PAK2: variants seen among roughly 807,000 people sequenced by gnomAD.
PAK2 encodes serine/threonine-protein kinase PAK 2.
PAK2 carries 21 observed loss-of-function variants against 65.9 expected under a neutral mutation model. That is an observed-to-expected ratio of 0.32 (90% CI 0.23 to 0.46). The LOEUF (loss-of-function observed/expected upper bound fraction) is 0.46. Ranked by LOEUF, PAK2 falls within the 20% of genes least tolerant of loss-of-function variation. PAK2 has a pLI of 1.00. For missense variants in PAK2, 324 were observed against 642.6 expected (o/e 0.50, Z 5.36); for synonymous variants, 204 against 219.7 (o/e 0.93, Z 0.63).
chr3:196,821,029 G>A (rs778962348), intron 13 of PAK2, among the ~76,000 whole-genome samples: 3 of 152,130 alleles, frequency 2.0e-5, no homozygotes, highest in East Asian at 1.9e-4. Flanking sequence ...TCATAGAGAC[G>A]GGGTCTCTCC....
intron 1 of PAK2, among the ~76,000 whole-genome samples, chr3:196,756,668 C>T (rs1400033305): frequency 8.5e-5 from 13 of 152,060 alleles, no homozygotes; most frequent in African/African-American, 2.2e-4. Flanking sequence ...AAACCTTGTC[C>T]GTACTAAAAA....
intron 1 of PAK2, among the ~76,000 whole-genome samples, chr3:196,744,095 A>G: frequency 6.6e-6 from 1 of 152,126 alleles, no homozygotes; most frequent in East Asian, 1.9e-4. Context: ...TAAAAGTTGA[A>G]AAGTGGGCAG....
intron 13 of PAK2, among the ~76,000 whole-genome samples, chr3:196,824,778 C>A (rs7429125): frequency 0.26 from 39,233 of 151,290 alleles, 5,211 homozygotes; most frequent in South Asian, 0.35. Context: ...CCCAGGAGTT[C>A]AAGGCCAGCC....
chr3:196,811,529 G>C (rs1715824840), intron 8 of PAK2, among the ~76,000 whole-genome samples: 1 of 149,176 alleles, frequency 6.7e-6, no homozygotes, highest in Non-Finnish European at 1.5e-5. Flanking sequence ...TTACAGGTGT[G>C]AGCCACTGCA....
chr3:196,819,120 A>G (rs1711570403), intron 12 of PAK2, among the ~76,000 whole-genome samples: 1 of 152,192 alleles, frequency 6.6e-6, no homozygotes, highest in Non-Finnish European at 1.5e-5. Context: ...TACATGGATT[A>G]TTATATTTTT....
intron 2 of PAK2, among the ~76,000 whole-genome samples, chr3:196,783,739 A>G (rs139713141): frequency 6.6e-6 from 1 of 152,066 alleles, no homozygotes; most frequent in Non-Finnish European, 1.5e-5. Flanking sequence ...CTGCATTTTT[A>G]TTGTAATTTT....
Position 196,832,611 on chromosome 3 carries a change from T to G in PAK2, c.*4206T>G, listed in dbSNP as rs1462885783. 2 of 152,134 alleles carry G rather than the reference T, an allele frequency of 1.3e-5. No homozygotes were observed. The highest frequency in any genetic ancestry group is 1.9e-4 in the East Asian group (1 of 5,196). The allele number at this position is 152,134 out of a possible 1,614,324, so 9.4% of individuals were successfully genotyped here. The stretch of plus-strand genomic sequence containing the variant: ...GTCTTAATAGGTTTTCAAAGAACAT[T>G]TAGTATTTTTAGTGATAAATGTTTT... On this transcript the variant is annotated 3_prime_UTR_variant, in exon 15 of 15. Transcript: ENST00000327134.
intron 2 of PAK2, among the ~76,000 whole-genome samples, chr3:196,788,233 GCAAA>G (rs1714959486): frequency 6.6e-6 from 1 of 152,080 alleles, no homozygotes; most frequent in Admixed American, 6.5e-5. Context: ...AGTCTAAAAG[GCAAA>G]CAATTGTATT....
intron 2 of PAK2, among the ~76,000 whole-genome samples, chr3:196,785,273 C>T (rs76098034): frequency 0.072 from 10,948 of 152,136 alleles, 622 homozygotes; most frequent in African/African-American, 0.16. Context: ...TATGTGTATA[C>T]TGAGTCAGGA....
At chr3:196,742,675 G>A (rs9680946) in intron 1 of PAK2, among the ~76,000 whole-genome samples, 67,343 of 152,014 alleles carry the variant, frequency 0.44, 15,727 homozygotes, top group Non-Finnish European at 0.53. Context: ...AGCACTTTGG[G>A]AGGCCGAGGC....
At chr3:196,815,158 C>T (rs183265303) in intron 11 of PAK2, among the ~76,000 whole-genome samples, 132 of 151,240 alleles carry the variant, frequency 8.7e-4, no homozygotes, top group Non-Finnish European at 1.4e-3. Context: ...CCAGCCTGGG[C>T]AACAGAGCGA....
intron 13 of PAK2, among the ~76,000 whole-genome samples, chr3:196,826,274 T>C (rs1361568096): frequency 2.0e-5 from 3 of 150,824 alleles, no homozygotes; most frequent in Non-Finnish European, 3.0e-5. Context: ...CGGGTTCACG[T>C]CATTGTCCTG....
chr3:196,790,532 G>A (rs1715032744), intron 2 of PAK2, among the ~76,000 whole-genome samples: 1 of 152,120 alleles, frequency 6.6e-6, no homozygotes, highest in Admixed American at 6.6e-5. Context: ...AAGCAGAAGT[G>A]GGAAGTTGAC....
At chr3:196,804,269 A>C (rs1715509484) in intron 4 of PAK2, among the ~76,000 whole-genome samples, 1 of 152,164 alleles carries the variant, frequency 6.6e-6, no homozygotes, top group Non-Finnish European at 1.5e-5. Context: ...TTTTCAAGTG[A>C]TCTTGACCTT....
chr3:196,800,416 T>G (rs80141424), intron 2 of PAK2, among the ~76,000 whole-genome samples: 4,674 of 152,168 alleles, frequency 0.031, 96 homozygotes, highest in Non-Finnish European at 0.046. Context: ...GAAATTCTCC[T>G]TAAAATTCAT....
intron 1 of PAK2, among the ~76,000 whole-genome samples, chr3:196,777,756 A>G (rs115790368): frequency 5.9e-5 from 9 of 152,350 alleles, no homozygotes; most frequent in Non-Finnish European, 1.2e-4. Flanking sequence ...GAACTCTTAC[A>G]GAGGACTCAG....
intron 4 of PAK2, among the ~76,000 whole-genome samples, 196 bp from the exon 5 acceptor site, chr3:196,805,156 A>G (rs1012684358): frequency 1.3e-5 from 2 of 152,008 alleles, no homozygotes; most frequent in Non-Finnish European, 2.9e-5. Context: ...TTATAGTTTC[A>G]TGTAGATTTC....
At chr3:196,761,378 C>T (rs567371695) in intron 1 of PAK2, among the ~76,000 whole-genome samples, 1 of 80,512 alleles carries the variant, frequency 1.2e-5, no homozygotes, top group Non-Finnish European at 2.4e-5. Flanking sequence ...ATGCTGCCTT[C>T]AAGCATCTGT....
At chr3:196,783,678 C>A (rs941899552) in intron 2 of PAK2, among the ~76,000 whole-genome samples, 1 of 152,128 alleles carries the variant, frequency 6.6e-6, no homozygotes, top group Non-Finnish European at 1.5e-5. Context: ...CTGAAGTCCC[C>A]ATCTGCTATA....
Sources: gnomAD v4.1 joint callset for allele counts (sites outside exome capture counted in the v4.1 genomes callset) on GRCh38, gnomAD v4.1.1 for gene constraint, MANE v1.5 for transcripts, NCBI Gene and HGNC (gene_info 2026-07-23, HGNC 2026-07-21) for gene names.